The following JUP variants were observed in gnomAD, a reference collection of about 807,000 sequenced individuals.
JUP encodes catenin (cadherin-associated protein), gamma 80kDa.
JUP carries 28 observed loss-of-function variants against 71.1 expected under a neutral mutation model. That is an observed-to-expected ratio of 0.39 (90% confidence interval 0.29 to 0.54). JUP has a LOEUF of 0.54. Among genes scored for constraint, JUP ranks in the 20% least tolerant of loss-of-function variants. The pLI is 0.62. For synonymous variants in JUP, 401 were observed against 438.9 expected (o/e 0.91, Z 1.08); for missense variants, 869 against 1,030.1 (o/e 0.84, Z 2.14).
At chr17:41,775,588 C>T (rs572163302) in intron 1 of JUP, among the ~76,000 whole-genome samples, 2 of 152,344 alleles carry the variant, frequency 1.3e-5, no homozygotes, top group African/African-American at 2.4e-5. Flanking sequence ...GAGAGACAGA[C>T]GCAGGCCCTG....
intron 9 of JUP, 71 bp from the exon 10 acceptor site, chr17:41,758,589 C>A: frequency 6.3e-7 from 1 of 1,583,992 alleles, no homozygotes; most frequent in South Asian, 1.1e-5. Context: ...CCATGACAGC[C>A]GAATGAACTT....
chr17:41,782,309 C>G (rs2047205986), intron 1 of JUP, among the ~76,000 whole-genome samples: 1 of 152,220 alleles, frequency 6.6e-6, no homozygotes, highest in South Asian at 2.1e-4. Flanking sequence ...TATCTCAGGT[C>G]TCTTGGGCTT....
chr17:41,755,031 C>T lies in JUP; in HGVS notation c.*713G>A, dbSNP rs1336317056. 1 of 356,200 alleles carries T rather than the reference C, an allele frequency of 2.8e-6. No homozygotes were observed. Among genetic ancestry groups the T allele is most frequent in the Non-Finnish European group, 5.0e-6 (1 of 199,508 alleles). 22.1% of individuals were successfully genotyped at this position (356,200 alleles called of 1,614,324 possible). A position where few individuals can be genotyped will look rare whatever the true frequency, so the allele number is the denominator to read the frequency against. On this transcript the variant is annotated 3_prime_UTR_variant, in exon 14 of 14. Transcript: ENST00000393931. ...TTTTGGATTTTGGGGGTTTGGGTCT[C>T]GAACCTGGGCCCTGGAGGCCCTGGG...
intron 1 of JUP, among the ~76,000 whole-genome samples, chr17:41,780,621 G>A (rs782558848): frequency 6.6e-6 from 1 of 151,878 alleles, no homozygotes; most frequent in Non-Finnish European, 1.5e-5. Context: ...CTTGAACCTA[G>A]GAGGCAGAGG....
chr17:41,756,319 G>T, intron 12 of JUP, 105 bp from the exon 13 acceptor site: 1 of 1,179,810 alleles, frequency 8.5e-7, no homozygotes, highest in Non-Finnish European at 1.2e-6. Context: ...AGGGGGCCAG[G>T]CTGGGTGCCA....
intron 1 of JUP, among the ~76,000 whole-genome samples, chr17:41,780,252 G>C (rs1378451524): frequency 2.0e-5 from 3 of 152,030 alleles, no homozygotes; most frequent in African/African-American, 7.3e-5. Flanking sequence ...TTAAAAATTA[G>C]CTGGGCATGG....
At chr17:41,762,440 G>T (rs1915050378) in intron 8 of JUP, among the ~76,000 whole-genome samples, 2 of 151,902 alleles carry the variant, frequency 1.3e-5, no homozygotes, top group Non-Finnish European at 2.9e-5. Context: ...ACCCAGGCTG[G>T]AGTGCACTGA....
At chr17:41,770,572 T>C (rs1484047911) in intron 2 of JUP, among the ~76,000 whole-genome samples, 1 of 152,162 alleles carries the variant, frequency 6.6e-6, no homozygotes, top group East Asian at 1.9e-4. Context: ...GAGACTGGCA[T>C]GCGAGGGCTG....
At position 41,763,289 on chromosome 17, in the gene JUP, C is replaced by G. The variant is rs1309988819; in HGVS notation, c.1191G>C (p.Val397=). Residue 397 remains valine, a synonymous_variant, in exon 8 of 14, where the codon GTG becomes GTC. Coordinates refer to ENST00000393931, the MANE Select transcript of JUP (RefSeq NM_002230.4). ...EGLESVLKIL[V]NQLSVDDVNV... ...TGACGTCATCCACACTCAGCTGATT[C>G]ACCAGAATCTTCAGCACACTCTCCA... The G allele has an allele frequency of 1.2e-6, 2 of 1,614,184 alleles. No homozygotes were observed. The highest frequency in any genetic ancestry group is 1.7e-6 in the Non-Finnish European group (2 of 1,180,026).
chr17:41,771,572 C>T, intron 2 of JUP, 75 bp downstream of exon 2: 1 of 1,382,136 alleles, frequency 7.2e-7, no homozygotes, highest in Non-Finnish European at 1.0e-6. Flanking sequence ...TACAATCTGC[C>T]TCCTTTCACT....
intron 8 of JUP, among the ~76,000 whole-genome samples, chr17:41,759,728 C>T (rs1555600300): frequency 1.3e-5 from 2 of 152,044 alleles, no homozygotes; most frequent in Non-Finnish European, 2.9e-5. Context: ...CAAAACAAGA[C>T]GCCAGGAGGA....
rs564635690 is a variant in JUP at position 41,767,565 on chromosome 17, C to G, written c.723G>C (p.Ser241=). The change falls in exon 5 of 14, where the codon TCG becomes TCC. Residue 241 remains serine (S), a synonymous_variant. Coordinates refer to ENST00000393931, the MANE Select transcript of JUP (RefSeq NM_002230.4). ...LVRMLSSPVE[S]VLFYAITTLH... ...GCGTGGTGATGGCATAGAACAGGAC[C>G]GACTCCACAGGGGAGCTGGGGGGGT... 6.2e-7 allele frequency: 1 copy of G among 1,611,272 alleles called. No homozygotes were observed.
At chr17:41,758,602 C>T (rs924209706) in intron 9 of JUP, 84 bp from the exon 10 acceptor site, 3 of 1,578,550 alleles carry the variant, frequency 1.9e-6, no homozygotes, top group East Asian at 2.3e-5. Context: ...ATGAACTTCA[C>T]AGGTTCTTGG....
intron 1 of JUP, chr17:41,776,020 C>T (rs1202639100): frequency 1.0e-6 from 1 of 984,488 alleles, no homozygotes; most frequent in Non-Finnish European, 1.2e-6. Context: ...CAAGGACAGT[C>T]AGCAATGGGC....
rs137970272 is a variant in JUP at position 41,762,176 on chromosome 17, A to AGTGTGT, written c.1497+801_1497+806dup. On this transcript the variant is annotated intron_variant, in intron 8 of 13. Transcript: ENST00000393931. ...GAGAGAGAGAGAGAGAGAGAGAGAGAGTGTGTGTGTGTGTGTGTGTGTGTG... is the reference window on the plus strand; with the variant it reads ...GAGAGAGAGAGAGAGAGAGAGAGAGAGTGTGTGTGTGTGTGTGTGTGTGTGTGTGTG... Among the ~76,000 whole-genome samples the AGTGTGT allele has an allele frequency of 4.1e-3, 185 of 44,824 alleles. 1 individual carries two copies. The highest frequency in any genetic ancestry group is 0.019 in the African/African-American group (175 of 9,338). 29.4% of individuals were successfully genotyped at this position (44,824 alleles called of 152,430 possible).
rs2143416425 is a variant in JUP, at chr17:41,757,422, C to T, written c.2039G>A (p.Trp680Ter). 2.1e-5 allele frequency: 34 copies of T among 1,614,240 alleles called. No individual in the cohort carries two copies. Among genetic ancestry groups the T allele is most frequent in the Non-Finnish European group, 2.8e-5 (33 of 1,180,044 alleles). Reference protein sequence around the residue: ...NSLFKHDPAAWEAAQSMIPIN... With the variant: ...NSLFKHDPAA ...CCAACCTAGGATACTCACAGCCTCC[C>T]AGGCAGCCGGGTCATGCTTGAAGAG... is the stretch of plus-strand genomic sequence containing the variant. The change falls in exon 12 of 14, where the codon TGG becomes TAG. Residue 680 changes from tryptophan to a stop codon, truncating the protein, a stop_gained. Coordinates refer to ENST00000393931, the MANE Select transcript of JUP (RefSeq NM_002230.4). LOFTEE classifies it high-confidence loss of function.
At chr17:41,763,469 C>G in intron 7 of JUP, 148 bp from the exon 8 acceptor site, 1 of 630,530 alleles carries the variant, frequency 1.6e-6, no homozygotes, top group Admixed American at 2.5e-5. Context: ...CCCGCCACAC[C>G]CTGTGAGAGG....
At chr17:41,778,243 C>A (rs1555609302) in intron 1 of JUP, among the ~76,000 whole-genome samples, 1 of 152,096 alleles carries the variant, frequency 6.6e-6, no homozygotes, top group African/African-American at 2.4e-5. Flanking sequence ...GCTGGAAAAC[C>A]AGGATTGGAA....
At chr17:41,757,946 C>G (rs1222665523) in intron 10 of JUP, among the ~76,000 whole-genome samples, 162 bp from the exon 11 acceptor site, 1 of 152,130 alleles carries the variant, frequency 6.6e-6, no homozygotes, top group African/African-American at 2.4e-5. Context: ...CTGGGCTGAG[C>G]ATTGTTCATG....
Sources: allele counts gnomAD v4.1 joint callset (sites outside exome capture counted in the v4.1 genomes callset), GRCh38; gene constraint gnomAD v4.1.1; transcripts MANE v1.5; gene names NCBI Gene and HGNC (gene_info 2026-07-23, HGNC 2026-07-21).